The following CTNNA3 variants were observed in gnomAD, a reference collection of about 807,000 sequenced individuals.
CTNNA3 encodes the protein catenin alpha-3.
In CTNNA3, 76 loss-of-function variants were observed where a neutral mutation model predicts 95.7. That is an observed-to-expected ratio of 0.79 (90% CI 0.66 to 0.96). CTNNA3 has a LOEUF of 0.96. Ranked by LOEUF, CTNNA3 falls within the 40% of genes least tolerant of loss-of-function variation. The pLI, the probability that CTNNA3 is intolerant of heterozygous loss-of-function variation, is 0.00. For missense variants in CTNNA3, 1,191 were observed against 1,089.8 expected (o/e 1.09, Z -1.31); for synonymous variants, 431 against 374.4 (o/e 1.15, Z -1.74).
At chr10:65,951,773 T>C (rs1181178383) in intron 17 of CTNNA3, among the ~76,000 whole-genome samples, 1 of 152,056 alleles carries the variant, frequency 6.6e-6, no homozygotes, top group Non-Finnish European at 1.5e-5. Context: ...CTTACGCCTG[T>C]AATCCCAGCA....
intron 7 of CTNNA3, among the ~76,000 whole-genome samples, chr10:66,907,777 T>C (rs990320050): frequency 1.3e-5 from 2 of 152,206 alleles, no homozygotes; most frequent in African/African-American, 4.8e-5. Flanking sequence ...GAAGATTAGA[T>C]AAGTGAAGGC....
At chr10:67,011,800 A>T (rs1852357593) in intron 7 of CTNNA3, among the ~76,000 whole-genome samples, 1 of 152,118 alleles carries the variant, frequency 6.6e-6, no homozygotes, top group Non-Finnish European at 1.5e-5. Flanking sequence ...CAGAAGAGAA[A>T]ATGGAAGCAG....
At chr10:66,611,364 T>G (rs550662553) in intron 10 of CTNNA3, among the ~76,000 whole-genome samples, 1 of 152,220 alleles carries the variant, frequency 6.6e-6, no homozygotes, top group East Asian at 1.9e-4. Context: ...TTACATATTG[T>G]TTATGTATCC....
chr10:66,588,697 G>A (rs1052683976), intron 10 of CTNNA3, among the ~76,000 whole-genome samples: 6 of 152,050 alleles, frequency 3.9e-5, no homozygotes, highest in Non-Finnish European at 8.8e-5. Flanking sequence ...AGTCAGACAC[G>A]AAGAAAAGGA....
intron 5 of CTNNA3, among the ~76,000 whole-genome samples, chr10:67,496,045 T>C (rs1839012107): frequency 6.6e-6 from 1 of 152,238 alleles, no homozygotes; most frequent in African/African-American, 2.4e-5. Flanking sequence ...TCACATATTT[T>C]CTGTGAAAGT....
At chr10:67,732,870 T>C (rs1054919179) in intron 1 of CTNNA3, among the ~76,000 whole-genome samples, 5 of 144,552 alleles carry the variant, frequency 3.5e-5, no homozygotes, top group African/African-American at 1.4e-4. Context: ...GCCTTCTCCC[T>C]CTTTCTCTCA....
intron 13 of CTNNA3, among the ~76,000 whole-genome samples, chr10:66,129,520 A>T (rs529535193): frequency 6.6e-6 from 1 of 152,242 alleles, no homozygotes; most frequent in South Asian, 2.1e-4. Context: ...TTGCTTCCAT[A>T]GGAGACTTTA....
chr10:66,480,987 A>C (rs1050626991), intron 11 of CTNNA3, among the ~76,000 whole-genome samples: 1 of 152,210 alleles, frequency 6.6e-6, no homozygotes, highest in Non-Finnish European at 1.5e-5. Context: ...TCATGAATGA[A>C]AACTGACTTC....
intron 1 of CTNNA3, among the ~76,000 whole-genome samples, chr10:67,727,048 TATG>T (rs1313882665): frequency 8.9e-6 from 1 of 111,760 alleles, no homozygotes; most frequent in East Asian, 2.4e-4. Context: ...ATGATACATA[TATG>T]ATATAATTAT....
At chr10:67,110,221 A>G (rs917593382) in intron 7 of CTNNA3, among the ~76,000 whole-genome samples, 11 of 152,182 alleles carry the variant, frequency 7.2e-5, no homozygotes, top group Non-Finnish European at 2.9e-5. Context: ...TTTTGAATTT[A>G]TTTTTATATG....
At chr10:66,548,038 C>G (rs541666267) in intron 10 of CTNNA3, among the ~76,000 whole-genome samples, 2 of 152,112 alleles carry the variant, frequency 1.3e-5, no homozygotes, top group East Asian at 3.9e-4. Context: ...GCCTCAGCCT[C>G]CCCAGTAGTT....
At chr10:67,674,832 T>A (rs928619225) in intron 1 of CTNNA3, among the ~76,000 whole-genome samples, 4 of 152,154 alleles carry the variant, frequency 2.6e-5, no homozygotes, top group Non-Finnish European at 4.4e-5. Flanking sequence ...TCCCTATATA[T>A]TGTAAATATA....
chr10:66,893,796 G>A (rs889665986), intron 7 of CTNNA3, among the ~76,000 whole-genome samples: 3 of 152,026 alleles, frequency 2.0e-5, no homozygotes, highest in Non-Finnish European at 4.4e-5. Context: ...GATTTGTCGT[G>A]GATACTACCT....
At chr10:67,255,060 C>G (rs1046995069) in intron 5 of CTNNA3, among the ~76,000 whole-genome samples, 5 of 152,170 alleles carry the variant, frequency 3.3e-5, no homozygotes, top group Admixed American at 2.0e-4. Flanking sequence ...CTTTGGGAGG[C>G]TGAGGCAGGT....
chr10:67,044,516 A>G (rs188375738), intron 7 of CTNNA3, among the ~76,000 whole-genome samples: 363 of 152,286 alleles, frequency 2.4e-3, no homozygotes, highest in African/African-American at 8.1e-3. Context: ...CTATCTGGAA[A>G]GTTTCCCAGA....
At chr10:66,423,326 C>A (rs1293082078) in intron 11 of CTNNA3, among the ~76,000 whole-genome samples, 6 of 151,938 alleles carry the variant, frequency 3.9e-5, no homozygotes, top group African/African-American at 1.5e-4. Context: ...TAATCATGTT[C>A]TTTATATCGT....
chr10:66,016,335 T>A (rs992686492), intron 15 of CTNNA3, among the ~76,000 whole-genome samples: 15 of 152,188 alleles, frequency 9.9e-5, no homozygotes, highest in Non-Finnish European at 1.6e-4. Flanking sequence ...TCACAGTGGC[T>A]GTGCTATGAA....
At chr10:67,745,176 T>C (rs1841367073) in intron 1 of CTNNA3, among the ~76,000 whole-genome samples, 1 of 152,128 alleles carries the variant, frequency 6.6e-6, no homozygotes, top group South Asian at 2.1e-4. Context: ...CCCAAAGGAT[T>C]ACAAATCATG....
At chr10:66,093,456 C>G (rs1280096113) in intron 14 of CTNNA3, among the ~76,000 whole-genome samples, 2 of 151,944 alleles carry the variant, frequency 1.3e-5, no homozygotes, top group Non-Finnish European at 2.9e-5. Flanking sequence ...TTGGGCTCAT[C>G]TAGAAGAACT....
Sources: allele counts gnomAD v4.1 joint callset (sites outside exome capture counted in the v4.1 genomes callset), GRCh38; gene constraint gnomAD v4.1.1; transcripts MANE v1.5; gene names NCBI Gene and HGNC (gene_info 2026-07-23, HGNC 2026-07-21).